The following RXFP1 variants were observed in gnomAD, a reference collection of about 807,000 sequenced individuals.
RXFP1 encodes relaxin receptor 1.
A neutral mutation model predicts 89.8 loss-of-function variants in RXFP1; 73 were observed. The ratio of observed to expected loss-of-function variants is 0.81; its 90% CI spans 0.67 to 0.99. The LOEUF (loss-of-function observed/expected upper bound fraction) is 0.99, where lower values mean the gene tolerates loss of function less well. Among genes scored for constraint, RXFP1 ranks in the 50% least tolerant of loss-of-function variants. The pLI is 0.00. For synonymous variants in RXFP1, 277 were observed against 305.5 expected, an observed-to-expected ratio of 0.91 and a Z score of 0.97; for missense variants, 793 against 895.5, an observed-to-expected ratio of 0.89 and a Z score of 1.46.
intron 2 of RXFP1, among the ~76,000 whole-genome samples, chr4:158,579,209 A>G (rs11943598): frequency 0.26 from 39,576 of 151,684 alleles, 8,519 homozygotes; most frequent in African/African-American, 0.59. Flanking sequence ...CTGTGGCCCC[A>G]CTGACACCTT....
intron 4 of RXFP1, among the ~76,000 whole-genome samples, chr4:158,600,626 T>C (rs909597543): frequency 1.3e-5 from 2 of 152,034 alleles, no homozygotes; most frequent in Non-Finnish European, 2.9e-5. Context: ...TAAGAATTTA[T>C]GAATAGTCTG....
chr4:158,579,995 G>A (rs1424090599), intron 2 of RXFP1, among the ~76,000 whole-genome samples: 1 of 152,146 alleles, frequency 6.6e-6, no homozygotes, highest in African/African-American at 2.4e-5. Context: ...CAGGAGGCAG[G>A]GCATACCATA....
At position 158,576,053 on chromosome 4, in the gene RXFP1, C is replaced by T. The variant is rs146131832; in HGVS notation, c.187+3218C>T. On this transcript the variant is annotated intron_variant, in intron 2 of 17. Coordinates refer to ENST00000307765, the MANE Select transcript of RXFP1 (RefSeq NM_021634.4). ...TGTGTCCTTAATTCACCATTGCCAA[C>T]GTTTGAAACCTCTCAAGTCCAGTTT... Among the ~76,000 whole-genome samples the T allele has an allele frequency of 9.4e-4, 143 of 152,248 alleles. 1 individual carries two copies. Among genetic ancestry groups the T allele is most frequent in the African/African-American group, 3.3e-3 (136 of 41,560 alleles).
intron 1 of RXFP1, among the ~76,000 whole-genome samples, chr4:158,532,622 T>G (rs553447400): frequency 6.6e-6 from 1 of 152,150 alleles, no homozygotes; most frequent in South Asian, 2.1e-4. Context: ...CACGGATGAG[T>G]GACACCAGCA....
intron 6 of RXFP1, chr4:158,610,609 C>A: frequency 8.8e-7 from 1 of 1,135,136 alleles, no homozygotes; most frequent in Non-Finnish European, 1.2e-6. Flanking sequence ...TATTATGGTT[C>A]ACTGAAAGGA....
chr4:158,617,936 A>G (rs1383242176), intron 9 of RXFP1, among the ~76,000 whole-genome samples: 5 of 152,170 alleles, frequency 3.3e-5, no homozygotes, highest in Non-Finnish European at 7.4e-5. Flanking sequence ...AGTTAGAGTC[A>G]GAAGCATTGA....
At chr4:158,530,301 C>T (rs926699180) in intron 1 of RXFP1, among the ~76,000 whole-genome samples, 3 of 152,194 alleles carry the variant, frequency 2.0e-5, no homozygotes, top group African/African-American at 7.2e-5. Flanking sequence ...GAAAATAACT[C>T]TTCTCAGGTG....
intron 9 of RXFP1, among the ~76,000 whole-genome samples, chr4:158,620,165 A>C (rs1330747373): frequency 1.3e-5 from 2 of 152,244 alleles, no homozygotes; most frequent in Non-Finnish European, 2.9e-5. Flanking sequence ...ACTACAAAAG[A>C]GAAACAAAAA....
At position 158,557,894 on chromosome 4, in the gene RXFP1, T is replaced by C. The variant is rs538478351; in HGVS notation, c.50-14804T>C. Among the ~76,000 whole-genome samples, 4 of 152,292 alleles carry C rather than the reference T, an allele frequency of 2.6e-5. No homozygotes were observed. The South Asian group carries it at 8.3e-4, about 32-fold the overall frequency. The stretch of plus-strand genomic sequence containing the variant: ...GTTTCAATTCCATTCTGAGTTTCTT[T>C]TGCTACTCGATCTCTGTTAAAATTA... On this transcript the variant is annotated intron_variant, in intron 1 of 17. Transcript: ENST00000307765.
intron 1 of RXFP1, among the ~76,000 whole-genome samples, chr4:158,532,997 A>G (rs1441491464): frequency 6.6e-6 from 1 of 152,212 alleles, no homozygotes; most frequent in Admixed American, 6.5e-5. Flanking sequence ...CCAAAGGGAC[A>G]GGGTGCTTCC....
intron 1 of RXFP1, among the ~76,000 whole-genome samples, chr4:158,546,684 C>T (rs1037470726): frequency 1.3e-5 from 2 of 152,150 alleles, no homozygotes; most frequent in African/African-American, 4.8e-5. Flanking sequence ...TTGTCAAAGG[C>T]CTTTTCTGCA....
chr4:158,542,356 C>T (rs1747019163), intron 1 of RXFP1, among the ~76,000 whole-genome samples: 1 of 151,762 alleles, frequency 6.6e-6, no homozygotes, highest in African/African-American at 2.4e-5. Context: ...AGAATATGGA[C>T]AAGTTGTTCC....
chr4:158,545,683 C>A (rs1007589525), intron 1 of RXFP1, among the ~76,000 whole-genome samples: 3 of 152,136 alleles, frequency 2.0e-5, no homozygotes, highest in Non-Finnish European at 2.9e-5. Context: ...GCCAGTTTTC[C>A]CAGCACCATT....
At chr4:158,533,491 T>G (rs1175767546) in intron 1 of RXFP1, among the ~76,000 whole-genome samples, 1 of 152,156 alleles carries the variant, frequency 6.6e-6, no homozygotes, top group African/African-American at 2.4e-5. Flanking sequence ...GCAAATCATA[T>G]CATATCAAAT....
intron 12 of RXFP1, among the ~76,000 whole-genome samples, chr4:158,635,707 T>G (rs1769012443): frequency 6.6e-6 from 1 of 152,168 alleles, no homozygotes; most frequent in Non-Finnish European, 1.5e-5. Flanking sequence ...TGAGTCCACT[T>G]CATTTTTTTA....
intron 9 of RXFP1, among the ~76,000 whole-genome samples, chr4:158,626,151 GATAGATAGAT>G (rs1766755225): frequency 6.6e-6 from 1 of 151,826 alleles, no homozygotes; most frequent in Non-Finnish European, 1.5e-5. Flanking sequence ...TAGATAGATA[GATAGATAGAT>G]AGATAGATAG....
chr4:158,638,472 A>C (rs1405102366), intron 13 of RXFP1, among the ~76,000 whole-genome samples: 3 of 152,116 alleles, frequency 2.0e-5, no homozygotes, highest in Admixed American at 6.6e-5. Context: ...CACACACACA[A>C]AAAGACAAAA....
intron 14 of RXFP1, among the ~76,000 whole-genome samples, chr4:158,643,142 A>G (rs1351738823): frequency 6.6e-6 from 1 of 152,190 alleles, no homozygotes; most frequent in Non-Finnish European, 1.5e-5. Flanking sequence ...TGGAGCCTCC[A>G]TGTTGAACAT....
intron 3 of RXFP1, among the ~76,000 whole-genome samples, chr4:158,595,887 T>G (rs1019752995): frequency 6.6e-6 from 1 of 151,828 alleles, no homozygotes; most frequent in Non-Finnish European, 1.5e-5. Context: ...TGGCTCACAC[T>G]TATAATCCCA....
Sources: allele counts gnomAD v4.1 joint callset (sites outside exome capture counted in the v4.1 genomes callset), GRCh38; gene constraint gnomAD v4.1.1; transcripts MANE v1.5; gene names NCBI Gene and HGNC (gene_info 2026-07-23, HGNC 2026-07-21).